Variants in DCBLD1 observed in about 807,000 individuals in gnomAD.
DCBLD1 encodes the protein discoidin, CUB and LCCL domain containing 1.
A neutral mutation model predicts 71.5 loss-of-function variants in DCBLD1; 57 were observed. The ratio of observed to expected loss-of-function variants is 0.80; its 90% CI spans 0.64 to 0.99. The LOEUF is 0.99. DCBLD1 is among the 50% of genes least tolerant of loss of function. The pLI, the probability that DCBLD1 is intolerant of heterozygous loss-of-function variation, is 0.00. For missense variants in DCBLD1, 891 were observed against 923.5 expected (o/e 0.96, Z 0.46); for synonymous variants, 380 against 363.8 (o/e 1.04, Z -0.51).
rs762578801 is a variant in DCBLD1 at position 117,532,400 on chromosome 6, A to AT, written c.719+15dup. On this transcript the variant is annotated splice_region_variant and intron_variant, in intron 6 of 14. Transcript: ENST00000338728. ...ATGGTGTTCTTTCGAGGGAGTAAGT[A>AT]TTTTTTTTCAGTATCGTTTGTTCTG... 38 of 1,597,826 alleles carry AT rather than the reference A, an allele frequency of 2.4e-5. No homozygotes were observed. The highest frequency in any genetic ancestry group is 1.6e-4 in the Admixed American group (9 of 55,824).
chr6:117,558,030 T>C (rs570137346), intron 14 of DCBLD1, among the ~76,000 whole-genome samples: 1 of 152,280 alleles, frequency 6.6e-6, no homozygotes, highest in East Asian at 1.9e-4. Context: ...TACAAGGTCT[T>C]ATTAGAGAAG....
At chr6:117,561,435 C>T in intron 14 of DCBLD1, 1 of 222,988 alleles carries the variant, frequency 4.5e-6, no homozygotes. Flanking sequence ...AACATGGTTT[C>T]ATGTCACAGC....
rs539565239 is a variant in DCBLD1 at position 117,537,488 on chromosome 6, T to C, written c.760+263T>C. Among the ~76,000 whole-genome samples the C allele has an allele frequency of 1.3e-3, 193 of 149,888 alleles. 3 individuals are homozygous for C. The East Asian group carries it at 0.027, about 21-fold the overall frequency. On this transcript the variant is annotated intron_variant, in intron 7 of 14. Transcript: ENST00000338728. ...GGCGGAGCTTGCAGTGAGCTGAGAT[T>C]GCGCCACTGCACTCCAGCCTGGGTA...
At chr6:117,516,390 G>GT (rs1055244883) in intron 2 of DCBLD1, among the ~76,000 whole-genome samples, 17 of 151,796 alleles carry the variant, frequency 1.1e-4, no homozygotes, top group African/African-American at 3.9e-4. Flanking sequence ...ATTAACTCAT[G>GT]TAAGTAATTA....
At chr6:117,506,184 A>G (rs1044327052) in intron 2 of DCBLD1, among the ~76,000 whole-genome samples, 13 of 152,086 alleles carry the variant, frequency 8.5e-5, no homozygotes, top group African/African-American at 3.1e-4. Context: ...TCCAAGGTAA[A>G]TATTATCAAT....
chr6:117,491,332 G>A (rs549186269), intron 1 of DCBLD1, among the ~76,000 whole-genome samples: 2 of 151,984 alleles, frequency 1.3e-5, no homozygotes, highest in South Asian at 2.1e-4. Flanking sequence ...CCCCCATTCC[G>A]CCCACCATTT....
chr6:117,523,449 A>C (rs994286588), intron 4 of DCBLD1, among the ~76,000 whole-genome samples: 4 of 152,254 alleles, frequency 2.6e-5, no homozygotes, highest in Non-Finnish European at 5.9e-5. Flanking sequence ...TATGATTATT[A>C]AGGCATTTGA....
At position 117,548,593 on chromosome 6, in the gene DCBLD1, C is replaced by T; in HGVS notation, c.*154C>T. ...GATCCAGTAGGATCCTAGAGACAAC[C>T]TGTCATACTGTTTACAAAATTGTGC... On this transcript the variant is annotated 3_prime_UTR_variant, in exon 15 of 15. Coordinates refer to ENST00000338728, the MANE Select transcript of DCBLD1 (RefSeq NM_001366458.2). The T allele has an allele frequency of 6.9e-7, 1 of 1,441,754 alleles. No individual in the cohort carries two copies. Among genetic ancestry groups the T allele is most frequent in the Non-Finnish European group, 9.1e-7 (1 of 1,102,404 alleles). 89.3% of individuals were successfully genotyped at this position (1,441,754 alleles called of 1,614,324 possible). A position where few individuals can be genotyped will look rare whatever the true frequency, so the allele number is the denominator to read the frequency against.
intron 1 of DCBLD1, among the ~76,000 whole-genome samples, chr6:117,493,113 T>G (rs183071966): frequency 6.2e-4 from 95 of 152,348 alleles, no homozygotes; most frequent in Non-Finnish European, 9.4e-4. Context: ...TACAAAATTT[T>G]TATCTTGAGG....
At position 117,489,872 on chromosome 6, in the gene DCBLD1, G is replaced by A. The variant is rs187609834; in HGVS notation, c.112+6979G>A. Among the ~76,000 whole-genome samples the A allele has an allele frequency of 2.4e-4, 36 of 152,274 alleles. No individual in the cohort carries two copies. In the East Asian group the frequency reaches 6.4e-3, roughly 27 times the overall value. On this transcript the variant is annotated intron_variant, in intron 1 of 14. Coordinates refer to ENST00000338728, the MANE Select transcript of DCBLD1 (RefSeq NM_001366458.2). ...TGCACTCCAGCCTGGGTGACAGAGC[G>A]AGACTCCGTCTCAAAAAAAAAGAAT... is the stretch of plus-strand genomic sequence containing the variant.
Position 117,562,184 on chromosome 6 carries a change from G to A in DCBLD1, c.1616-7436G>A, listed in dbSNP as rs189490925. ...ATTTATAAACCTGCATATGAAGAGAGCTTTAGTCAAACATAAACTGACATG... is the reference window on the plus strand; with the variant it reads ...ATTTATAAACCTGCATATGAAGAGAACTTTAGTCAAACATAAACTGACATG... On this transcript the variant is annotated intron_variant, in intron 14 of 14. Transcript: ENST00000296955. 1.2e-4 allele frequency: 24 copies of A among 207,798 alleles called. No homozygotes were observed. In the Admixed American group the frequency reaches 1.4e-3, roughly 12 times the overall value. 12.9% of individuals were successfully genotyped at this position (207,798 alleles called of 1,614,324 possible).
At chr6:117,534,796 A>G (rs1379618260) in intron 6 of DCBLD1, among the ~76,000 whole-genome samples, 1 of 151,206 alleles carries the variant, frequency 6.6e-6, no homozygotes. Flanking sequence ...ATATAATTTG[A>G]CGTTAAACTT....
rs146613111 is a variant in DCBLD1 at position 117,541,008 on chromosome 6, C to T, written c.1340C>T (p.Ser447Leu). The T allele has an allele frequency of 1.5e-5, 24 of 1,614,158 alleles. No homozygotes were observed. In the East Asian group the frequency reaches 2.9e-4, roughly 19 times the overall value. Residue 447 changes from serine (S) to leucine (L), a missense_variant, in exon 11 of 15, where the codon TCG (serine) becomes TTG (leucine). Ser to Leu is a moderately radical substitution (Grantham distance 145, BLOSUM62 -2). Transcript: ENST00000338728. ...GAGACAATCACAAGGCCCATCCCCT[C>T]GGAAGAAACATCCACAGGTAGAGCC... ...EDETITRPIPSEETSTGINIT... is the reference protein window; with the variant it reads ...EDETITRPIPLEETSTGINIT...
At chr6:117,549,975 G>A (rs1000075267), downstream of DCBLD1, among the ~76,000 whole-genome samples, 10 of 152,104 alleles carry the variant, frequency 6.6e-5, no homozygotes, top group African/African-American at 9.7e-5. Flanking sequence ...GATGAGACTC[G>A]GTTTCCTCAT....
chr6:117,560,096 A>AAAT (rs1779553665), intron 14 of DCBLD1, among the ~76,000 whole-genome samples: 1 of 152,228 alleles, frequency 6.6e-6, no homozygotes, highest in African/African-American at 2.4e-5. Flanking sequence ...ATACCCTTTT[A>AAAT]AATAGTATCT....
intron 14 of DCBLD1, among the ~76,000 whole-genome samples, chr6:117,547,276 G>A (rs1779297780): frequency 1.3e-5 from 2 of 152,086 alleles, no homozygotes; most frequent in South Asian, 2.1e-4. Context: ...CTACTCCATC[G>A]CCCCATTGTG....
chr6:117,554,737 A>G (rs1779474563), downstream of DCBLD1, among the ~76,000 whole-genome samples: 1 of 152,092 alleles, frequency 6.6e-6, no homozygotes, highest in Non-Finnish European at 1.5e-5. Context: ...TACTAAAAAT[A>G]TAAAAATTGG....
chr6:117,549,324 A>G lies in DCBLD1; in HGVS notation c.*885A>G. 1 of 985,442 alleles carries G rather than the reference A, an allele frequency of 1.0e-6. No individual in the cohort carries two copies. The highest frequency in any genetic ancestry group is 1.2e-6 in the Non-Finnish European group (1 of 829,922). The allele number at this position is 985,442 out of a possible 1,614,324, so 61.0% of individuals were successfully genotyped here. On this transcript the variant is annotated 3_prime_UTR_variant, in exon 15 of 15. Coordinates refer to ENST00000338728, the MANE Select transcript of DCBLD1 (RefSeq NM_001366458.2). ...CCGCTGTCCTCTGAAAAACAAAGTT[A>G]TTTGGAACATGTTCATGCAAAAGTG...
intron 1 of DCBLD1, among the ~76,000 whole-genome samples, chr6:117,498,403 A>G (rs1777536979): frequency 6.6e-6 from 1 of 152,206 alleles, no homozygotes; most frequent in Non-Finnish European, 1.5e-5. Flanking sequence ...GCAAGAAATT[A>G]CAGTCGAAAG....
Sources: allele counts gnomAD v4.1 joint callset (sites outside exome capture counted in the v4.1 genomes callset), GRCh38; gene constraint gnomAD v4.1.1; transcripts MANE v1.5; gene names NCBI Gene and HGNC (gene_info 2026-07-23, HGNC 2026-07-21).